The following AKAP19 variants were observed in gnomAD, a reference collection of about 807,000 sequenced individuals.
AKAP19 encodes A-kinase anchoring protein 19.
chr2:189,911,888 G>GTT, the AKAP19 span, among the ~76,000 whole-genome samples: 3 of 149,714 alleles, frequency 2.0e-5, no homozygotes, highest in East Asian at 5.8e-4. Flanking sequence ...TCTACTCCTA[G>GTT]TTTTTTTTTC....
the AKAP19 span, among the ~76,000 whole-genome samples, chr2:189,912,404 A>G: frequency 2.6e-5 from 4 of 152,024 alleles, no homozygotes; most frequent in Non-Finnish European, 4.4e-5. Context: ...AGCTGGGCAT[A>G]GTGGCTCAGA....
At chr2:189,954,207 G>A in the AKAP19 span, among the ~76,000 whole-genome samples, 1 of 152,180 alleles carries the variant, frequency 6.6e-6, no homozygotes, top group South Asian at 2.1e-4. Context: ...TACTTTATCA[G>A]ATTATAAGAA....
At chr2:190,185,880 A>T in the AKAP19 span, among the ~76,000 whole-genome samples, 1 of 152,210 alleles carries the variant, frequency 6.6e-6, no homozygotes, top group South Asian at 2.1e-4. Context: ...ATCTGGAGAG[A>T]TAAGAAATGG....
the AKAP19 span, among the ~76,000 whole-genome samples, chr2:190,032,710 A>T: frequency 6.6e-6 from 1 of 151,834 alleles, no homozygotes; most frequent in South Asian, 2.1e-4. Flanking sequence ...ATAACATCTT[A>T]GAGTTTTGTT....
the AKAP19 span, among the ~76,000 whole-genome samples, chr2:189,913,423 T>A: frequency 6.6e-6 from 1 of 152,136 alleles, no homozygotes; most frequent in Non-Finnish European, 1.5e-5. Flanking sequence ...ATTACTAGAA[T>A]AGTTCTTTTG....
the AKAP19 span, among the ~76,000 whole-genome samples, chr2:190,196,970 G>C: frequency 6.6e-6 from 1 of 152,112 alleles, no homozygotes; most frequent in African/African-American, 2.4e-5. Flanking sequence ...AGGCTGGGAA[G>C]TCCAAGTTTA....
At chr2:189,953,346 T>C in the AKAP19 span, among the ~76,000 whole-genome samples, 1 of 151,998 alleles carries the variant, frequency 6.6e-6, no homozygotes, top group South Asian at 2.1e-4. Context: ...ATAAGACTTT[T>C]AGATATAGGC....
chr2:189,921,617 A>T, the AKAP19 span, among the ~76,000 whole-genome samples: 6 of 152,298 alleles, frequency 3.9e-5, no homozygotes, highest in African/African-American at 1.4e-4. Context: ...CATCCTTCCT[A>T]TTTTTAATAT....
the AKAP19 span, among the ~76,000 whole-genome samples, chr2:190,081,603 T>C: frequency 6.6e-6 from 1 of 152,190 alleles, no homozygotes; most frequent in Non-Finnish European, 1.5e-5. Context: ...TTTGCGTGCC[T>C]TTTTTCTGTT....
the AKAP19 span, among the ~76,000 whole-genome samples, chr2:189,924,981 G>A: frequency 6.6e-6 from 1 of 152,084 alleles, no homozygotes; most frequent in African/African-American, 2.4e-5. Flanking sequence ...TGAAAGGTGT[G>A]TTTAAACAGA....
chr2:189,955,283 T>A, the AKAP19 span, among the ~76,000 whole-genome samples: 3 of 152,168 alleles, frequency 2.0e-5, no homozygotes, highest in African/African-American at 7.2e-5. Flanking sequence ...CTTTCTTGTT[T>A]CGTATTTTGT....
At chr2:189,941,313 C>T in the AKAP19 span, among the ~76,000 whole-genome samples, 2 of 152,112 alleles carry the variant, frequency 1.3e-5, no homozygotes, top group Admixed American at 1.3e-4. Context: ...ATTAAATACA[C>T]AGACAAACTT....
chr2:190,088,307 G>A, the AKAP19 span, among the ~76,000 whole-genome samples: 9 of 152,244 alleles, frequency 5.9e-5, 1 homozygote, highest in South Asian at 1.9e-3. Flanking sequence ...AAATGAAGAT[G>A]CAAAGAGCAC....
the AKAP19 span, among the ~76,000 whole-genome samples, chr2:190,011,371 A>T: frequency 1.3e-5 from 2 of 152,060 alleles, no homozygotes; most frequent in Non-Finnish European, 2.9e-5. Flanking sequence ...CCATTCTGTC[A>T]TTCTTTAGGT....
the AKAP19 span, among the ~76,000 whole-genome samples, chr2:190,090,694 C>T: frequency 1.3e-5 from 2 of 152,136 alleles, no homozygotes; most frequent in African/African-American, 2.4e-5. Context: ...GATGGAGGTA[C>T]ATAGTTCAGA....
At chr2:190,025,733 G>A in the AKAP19 span, among the ~76,000 whole-genome samples, 88 of 152,268 alleles carry the variant, frequency 5.8e-4, no homozygotes, top group Admixed American at 2.9e-3. Context: ...CTGAAACTCT[G>A]TCAGATCTTC....
the AKAP19 span, among the ~76,000 whole-genome samples, chr2:190,085,020 A>G: frequency 1.3e-5 from 2 of 152,298 alleles, no homozygotes; most frequent in East Asian, 3.9e-4. Flanking sequence ...ACCATTTCCC[A>G]AACCACCCTT....
At chr2:189,917,031 G>A in the AKAP19 span, among the ~76,000 whole-genome samples, 1 of 151,858 alleles carries the variant, frequency 6.6e-6, no homozygotes, top group African/African-American at 2.4e-5. Context: ...AATGTGGCAG[G>A]GTTCAACAAA....
chr2:190,078,548 T>C, the AKAP19 span, among the ~76,000 whole-genome samples: 1 of 152,122 alleles, frequency 6.6e-6, no homozygotes, highest in African/African-American at 2.4e-5. Context: ...AAGAAATATA[T>C]ATTTCTGATA....
Sources: allele counts gnomAD v4.1 joint callset (sites outside exome capture counted in the v4.1 genomes callset), GRCh38; gene constraint gnomAD v4.1.1; transcripts MANE v1.5; gene names NCBI Gene and HGNC (gene_info 2026-07-23, HGNC 2026-07-21).